TENM4: variants seen among roughly 807,000 people sequenced by gnomAD.
The protein encoded by TENM4 is teneurin-4.
In TENM4, 82 loss-of-function variants were observed where a neutral mutation model predicts 243.3. That is an observed-to-expected ratio of 0.34 (90% CI 0.28 to 0.40). The LOEUF is 0.40. TENM4 is among the 10% of genes least tolerant of loss of function. TENM4 has a pLI of 1.00. For synonymous variants in TENM4, 1,412 were observed against 1,456.3 expected (o/e 0.97, Z 0.69); for missense variants, 3,138 against 3,673.3 (o/e 0.85, Z 3.77).
chr11:79,070,987 C>G (rs930381327), intron 4 of TENM4, among the ~76,000 whole-genome samples: 2 of 152,180 alleles, frequency 1.3e-5, no homozygotes, highest in South Asian at 2.1e-4. Flanking sequence ...CAGTGTCTGC[C>G]CCATCCATCT....
chr11:79,227,217 T>C (rs1864286463), intron 2 of TENM4, among the ~76,000 whole-genome samples: 1 of 152,212 alleles, frequency 6.6e-6, no homozygotes, highest in African/African-American at 2.4e-5. Flanking sequence ...TGCTGGATTA[T>C]CCCAGCTTCT....
chr11:78,933,977 C>A (rs111738041), intron 6 of TENM4, among the ~76,000 whole-genome samples: 8 of 152,232 alleles, frequency 5.3e-5, no homozygotes, highest in South Asian at 2.1e-4. Flanking sequence ...ACAATTTCTC[C>A]TGGGGATTCT....
chr11:79,101,141 T>A (rs562652893), intron 4 of TENM4, among the ~76,000 whole-genome samples: 219 of 152,304 alleles, frequency 1.4e-3, no homozygotes, highest in Middle Eastern at 3.4e-3. Flanking sequence ...ATGTTCTGTT[T>A]CTTAAGCTAG....
chr11:79,356,222 GAGTGTGGGGT>G (rs1408744877), intron 1 of TENM4, among the ~76,000 whole-genome samples: 1 of 152,216 alleles, frequency 6.6e-6, no homozygotes, highest in Non-Finnish European at 1.5e-5. Flanking sequence ...TCTTCTGCAA[GAGTGTGGGGT>G]AGTGGTCAAG....
chr11:78,924,444 A>G (rs1035219423), intron 6 of TENM4: 3 of 152,348 alleles, frequency 2.0e-5, no homozygotes, highest in South Asian at 2.1e-4. Context: ...AAGTATCTCC[A>G]CTGACGCAGA....
intron 2 of TENM4, among the ~76,000 whole-genome samples, chr11:79,236,845 A>C (rs1864483865): frequency 6.6e-6 from 1 of 152,156 alleles, no homozygotes; most frequent in South Asian, 2.1e-4. Context: ...GCTCGGGTGC[A>C]CTGGATCTTC....
intron 4 of TENM4, among the ~76,000 whole-genome samples, chr11:79,099,315 T>G (rs895981761): frequency 6.6e-6 from 1 of 152,132 alleles, no homozygotes; most frequent in Admixed American, 6.5e-5. Context: ...GCCCCCCATA[T>G]AGTCTTCTGT....
intron 29 of TENM4, among the ~76,000 whole-genome samples, chr11:78,677,416 G>A (rs780210708): frequency 1.3e-5 from 2 of 151,668 alleles, no homozygotes; most frequent in African/African-American, 2.4e-5. Flanking sequence ...CACCACACCC[G>A]GCTAATTTTT....
chr11:79,037,882 A>C (rs959926568), intron 6 of TENM4, among the ~76,000 whole-genome samples: 2 of 152,214 alleles, frequency 1.3e-5, no homozygotes, highest in African/African-American at 4.8e-5. Flanking sequence ...TCCTTCCCTA[A>C]TCAAATCAGA....
At chr11:79,273,485 T>G (rs895101459) in intron 2 of TENM4, among the ~76,000 whole-genome samples, 10 of 152,200 alleles carry the variant, frequency 6.6e-5, no homozygotes, top group Non-Finnish European at 1.3e-4. Flanking sequence ...AATGGCTATT[T>G]AATGAATTCC....
chr11:78,759,616 C>T (rs1473996492), intron 18 of TENM4, among the ~76,000 whole-genome samples: 1 of 152,198 alleles, frequency 6.6e-6, no homozygotes, highest in Admixed American at 6.5e-5. Flanking sequence ...GCTCTCTAGT[C>T]CTGGGGGAAG....
At chr11:79,259,879 A>T (rs905314254) in intron 2 of TENM4, among the ~76,000 whole-genome samples, 3 of 152,200 alleles carry the variant, frequency 2.0e-5, no homozygotes, top group Admixed American at 2.0e-4. Context: ...TTAATATCAC[A>T]TCGCTTGCTG....
intron 6 of TENM4, among the ~76,000 whole-genome samples, chr11:78,952,023 C>G: frequency 6.6e-6 from 1 of 152,176 alleles, no homozygotes; most frequent in East Asian, 1.9e-4. Flanking sequence ...CACTCCGTCA[C>G]CAGTTCCCCT....
intron 27 of TENM4, among the ~76,000 whole-genome samples, chr11:78,705,389 C>CATTG (rs1290460850): frequency 3.9e-5 from 6 of 152,160 alleles, no homozygotes; most frequent in Non-Finnish European, 7.3e-5. Context: ...GGAGAAGGGG[C>CATTG]ATTGCTCTTG....
chr11:79,266,128 G>T (rs656104), intron 2 of TENM4, among the ~76,000 whole-genome samples: 104,307 of 152,108 alleles, frequency 0.69, 35,964 homozygotes, highest in African/African-American at 0.72. Context: ...GCTGGCCTAC[G>T]TCATAAGACT....
At chr11:78,713,282 G>A (rs1859443579) in intron 25 of TENM4, among the ~76,000 whole-genome samples, 1 of 152,160 alleles carries the variant, frequency 6.6e-6, no homozygotes, top group African/African-American at 2.4e-5. Flanking sequence ...CTTATCAGGA[G>A]CCCAGGAGTC....
chr11:79,140,091 G>A (rs1862258009), intron 4 of TENM4, among the ~76,000 whole-genome samples: 1 of 151,742 alleles, frequency 6.6e-6, no homozygotes, highest in South Asian at 2.1e-4. Context: ...CCCTGCCAAT[G>A]TCTTCTGGAT....
At chr11:79,093,391 G>C (rs1861005083) in intron 4 of TENM4, 2 of 152,200 alleles carry the variant, frequency 1.3e-5, no homozygotes, top group East Asian at 1.9e-4. Flanking sequence ...AAAGTGACAG[G>C]CATGAGGACT....
chr11:79,361,349 A>C (rs535309601), intron 1 of TENM4, among the ~76,000 whole-genome samples: 20 of 152,224 alleles, frequency 1.3e-4, no homozygotes, highest in Non-Finnish European at 2.6e-4. Context: ...CTGCTGGACT[A>C]GTTCATGTCC....
Sources: gnomAD v4.1 joint callset for allele counts (sites outside exome capture counted in the v4.1 genomes callset) on GRCh38, gnomAD v4.1.1 for gene constraint, MANE v1.5 for transcripts, NCBI Gene and HGNC (gene_info 2026-07-23, HGNC 2026-07-21) for gene names.